Variants in ARID1B observed in about 807,000 individuals in gnomAD.
ARID1B encodes the protein AT-rich interaction domain 1B, also known as AT-rich interactive domain-containing protein 1B.
Under a neutral mutation model 212.3 loss-of-function variants are expected in ARID1B, and 30 were observed. The observed-to-expected ratio is 0.14, with a 90% CI of 0.11 to 0.19. ARID1B has a LOEUF of 0.19. ARID1B is among the 10% of genes least tolerant of loss of function. The pLI is 1.00. For missense variants in ARID1B, 2,891 were observed against 3,204.0 expected, an observed-to-expected ratio of 0.90 and a Z score of 2.36; for synonymous variants, 1,402 against 1,301.7, an observed-to-expected ratio of 1.08 and a Z score of -1.66.
At chr6:156,863,982 C>T (rs1284897294) in intron 2 of ARID1B, among the ~76,000 whole-genome samples, 1 of 152,162 alleles carries the variant, frequency 6.6e-6, no homozygotes, top group Non-Finnish European at 1.5e-5. Flanking sequence ...GCAATACCAT[C>T]ATCTCAAAAT....
At chr6:157,063,491 A>AT (rs1052323223) in intron 4 of ARID1B, among the ~76,000 whole-genome samples, 25 of 151,468 alleles carry the variant, frequency 1.7e-4, no homozygotes, top group African/African-American at 5.3e-4. Flanking sequence ...CCTCTGTTAG[A>AT]TTTTTTTTTA....
chr6:156,820,540 G>T (rs1256996051), intron 1 of ARID1B, among the ~76,000 whole-genome samples: 3 of 152,192 alleles, frequency 2.0e-5, no homozygotes, highest in South Asian at 4.1e-4. Flanking sequence ...TAAAATAAAA[G>T]AGATTTAGGA....
chr6:156,812,952 G>A, intron 1 of ARID1B, among the ~76,000 whole-genome samples: 1 of 137,626 alleles, frequency 7.3e-6, no homozygotes, highest in African/African-American at 2.7e-5. Flanking sequence ...GTGTGTGTGT[G>A]TGTGTGTGTG....
chr6:157,161,429 G>GTATATATATA (rs1228344142), intron 8 of ARID1B, among the ~76,000 whole-genome samples: 1 of 134,030 alleles, frequency 7.5e-6, no homozygotes, highest in Admixed American at 7.3e-5. Context: ...GATTGTGTGT[G>GTATATATATA]TGTATATATA....
chr6:156,936,633 C>G (rs1377779619), intron 4 of ARID1B: 1 of 134,244 alleles, frequency 7.4e-6, no homozygotes, highest in Non-Finnish European at 1.5e-5. Flanking sequence ...GCACTCCAGT[C>G]TGGGAAACAG....
chr6:156,931,682 G>T (rs1562492467), intron 3 of ARID1B, among the ~76,000 whole-genome samples: 1 of 152,030 alleles, frequency 6.6e-6, no homozygotes, highest in Non-Finnish European at 1.5e-5. Context: ...AATAAATTAG[G>T]CCGGGCACGG....
intron 4 of ARID1B, among the ~76,000 whole-genome samples, chr6:156,958,840 GA>G (rs1262977271): frequency 6.6e-6 from 1 of 152,120 alleles, no homozygotes; most frequent in Non-Finnish European, 1.5e-5. Context: ...ATGAGGCCAG[GA>G]ATCATACGGA....
chr6:156,850,799 T>G (rs1478597530), intron 2 of ARID1B, among the ~76,000 whole-genome samples: 2 of 152,156 alleles, frequency 1.3e-5, no homozygotes, highest in Non-Finnish European at 1.5e-5. Context: ...GAAACCACAT[T>G]GAGTGAGAAA....
intron 2 of ARID1B, among the ~76,000 whole-genome samples, chr6:156,889,781 G>T (rs926238271): frequency 6.6e-6 from 1 of 152,146 alleles, no homozygotes; most frequent in African/African-American, 2.4e-5. Context: ...GGACAGACTG[G>T]CATGGACAGT....
intron 9 of ARID1B, chr6:157,169,557 A>G (rs556627436): frequency 6.6e-5 from 10 of 152,196 alleles, no homozygotes; most frequent in East Asian, 1.9e-4. Flanking sequence ...TTTTGTTTCA[A>G]TTATTTAGAT....
intron 4 of ARID1B, among the ~76,000 whole-genome samples, chr6:157,003,369 A>G (rs982089393): frequency 2.0e-5 from 3 of 152,176 alleles, no homozygotes; most frequent in African/African-American, 7.2e-5. Context: ...CCTACCTCGT[A>G]CTGTACATCC....
chr6:156,807,322 C>T (rs1239403111), intron 1 of ARID1B, among the ~76,000 whole-genome samples: 1 of 152,112 alleles, frequency 6.6e-6, no homozygotes, highest in Admixed American at 6.6e-5. Context: ...TGTCAGAAAC[C>T]AAGCTCAGGG....
At chr6:157,127,795 A>C (rs1039475704) in intron 6 of ARID1B, among the ~76,000 whole-genome samples, 5 of 149,536 alleles carry the variant, frequency 3.3e-5, no homozygotes, top group South Asian at 2.1e-4. Context: ...AAAAAAAAAA[A>C]AAAAAAAAAA....
rs773023212 is a variant in ARID1B, at chr6:157,207,567, C to T, written c.6795C>T (p.Asp2265=). 77 of 1,613,996 alleles carry T rather than the reference C, an allele frequency of 4.8e-5. 1 individual carries two copies. Among genetic ancestry groups the T allele is most frequent in the African/African-American group, 8.0e-5 (6 of 74,908 alleles). Residue 2265 remains aspartate, a synonymous_variant, in exon 20 of 20, where the codon GAC becomes GAT. Transcript: ENST00000636930. This position sits in a 1 kb window ranked among gnomAD's most constrained non-coding sequence, Gnocchi z 8.5. ...MALLSNLAQG[D]ALAARAIAVQ... is the part of the protein sequence containing the mutation. ...TTTTATCGAACCTTGCCCAAGGGGA[C>T]GCACTAGCAGCAAGGGCCATAGCTG...
intron 4 of ARID1B, among the ~76,000 whole-genome samples, chr6:157,037,582 A>G (rs1047031805): frequency 2.0e-5 from 3 of 152,180 alleles, no homozygotes; most frequent in Admixed American, 6.5e-5. Context: ...GGAAGCTAAA[A>G]GTAGTTAAGT....
intron 2 of ARID1B, among the ~76,000 whole-genome samples, chr6:156,850,414 C>T (rs1164671675): frequency 2.6e-5 from 4 of 152,012 alleles, no homozygotes; most frequent in South Asian, 2.1e-4. Context: ...TAAAATTAAG[C>T]GGCTTTTTTG....
Position 157,186,368 on chromosome 6 carries a change from GC to G in ARID1B, c.3919+1935del, listed in dbSNP as rs1469853904. ...CATTCTTCTCAGTAGTCCAGATGGA[GC>G]CGAGGGCCTGTGACACAGGAGGCAG... is the stretch of plus-strand genomic sequence containing the variant. On this transcript the variant is annotated intron_variant, in intron 13 of 19. Coordinates refer to ENST00000636930, the MANE Select transcript of ARID1B (RefSeq NM_001374828.1). The G allele has an allele frequency of 1.5e-5, 7 of 466,874 alleles. No individual in the cohort carries two copies. The Admixed American group carries it at 1.7e-4, about 11-fold the overall frequency. 28.9% of individuals were successfully genotyped at this position (466,874 alleles called of 1,614,324 possible).
intron 4 of ARID1B, among the ~76,000 whole-genome samples, chr6:156,952,296 T>C (rs1025680529): frequency 6.6e-6 from 1 of 152,226 alleles, no homozygotes; most frequent in African/African-American, 2.4e-5. Context: ...AGAACATGCA[T>C]GCCACTAATA....
intron 3 of ARID1B, among the ~76,000 whole-genome samples, chr6:156,910,146 C>T (rs1052674076): frequency 6.6e-6 from 1 of 152,174 alleles, no homozygotes. Context: ...TGTCCCACAA[C>T]AGTGAAGTTA....
Sources: gnomAD v4.1 joint callset for allele counts (sites outside exome capture counted in the v4.1 genomes callset) on GRCh38, gnomAD v4.1.1 for gene constraint, Gnocchi (gnomAD v3.1) non-coding constraint, MANE v1.5 for transcripts, NCBI Gene and HGNC (gene_info 2026-07-23, HGNC 2026-07-21) for gene names.